The following EXOC4 variants were observed in gnomAD, a reference collection of about 807,000 sequenced individuals.
The protein encoded by EXOC4 is exocyst complex component 4.
EXOC4 carries 71 observed loss-of-function variants against 107.2 expected under a neutral mutation model. The ratio of observed to expected loss-of-function variants is 0.66; its 90% confidence interval spans 0.55 to 0.81. The LOEUF is 0.81. EXOC4 is among the 30% of genes least tolerant of loss of function. The pLI, the probability that EXOC4 is intolerant of heterozygous loss-of-function variation, is 0.00. For missense variants in EXOC4, 1,108 were observed against 1,189.6 expected (o/e 0.93, Z 1.01); for synonymous variants, 456 against 441.2 (o/e 1.03, Z -0.42).
Position 133,681,260 on chromosome 7 carries a change from T to TA in EXOC4, c.1514+51120dup, listed in dbSNP as rs141628454. 6.6e-3 allele frequency among the ~76,000 whole-genome samples: 1,000 copies of TA among 152,354 alleles called. 41 individuals are homozygous for TA. The East Asian group carries it at 0.1, about 15-fold the overall frequency. On this transcript the variant is annotated intron_variant, in intron 10 of 17. Transcript: ENST00000253861. ...TTACAAAGAATCAATGGCTGTAACT[T>TA]AGAGAAATTAGGTAGTAGAGAGCAT...
intron 14 of EXOC4, among the ~76,000 whole-genome samples, chr7:133,993,249 C>A (rs542915098): frequency 2.5e-4 from 38 of 152,098 alleles, no homozygotes; most frequent in African/African-American, 9.2e-4. Flanking sequence ...TTGGTATCAG[C>A]GAACAATATG....
intron 3 of EXOC4, among the ~76,000 whole-genome samples, chr7:133,294,220 G>C (rs137861000): frequency 8.4e-4 from 128 of 152,288 alleles, no homozygotes; most frequent in South Asian, 6.8e-3. Context: ...CTTCCCAGTG[G>C]CATGAGCCAA....
chr7:133,969,642 TG>T (rs1801155106), intron 14 of EXOC4, among the ~76,000 whole-genome samples: 1 of 152,224 alleles, frequency 6.6e-6, no homozygotes, highest in African/African-American at 2.4e-5. Context: ...CTCCAGACCC[TG>T]TTTGCCTGGG....
chr7:133,336,320 T>G (rs1169192814), intron 5 of EXOC4, among the ~76,000 whole-genome samples: 2 of 152,162 alleles, frequency 1.3e-5, no homozygotes, highest in Non-Finnish European at 1.5e-5. Flanking sequence ...GTTTTAGGCC[T>G]TATGTTTAGG....
intron 10 of EXOC4, among the ~76,000 whole-genome samples, chr7:133,725,728 C>T (rs1795201230): frequency 6.6e-6 from 1 of 152,124 alleles, no homozygotes; most frequent in Non-Finnish European, 1.5e-5. Flanking sequence ...ATACTATTGA[C>T]AGTATGTAAA....
chr7:134,010,026 T>G (rs1794728600), intron 17 of EXOC4: 1 of 150,462 alleles, frequency 6.6e-6, no homozygotes, highest in Non-Finnish European at 1.5e-5. Flanking sequence ...TGTGACCACT[T>G]GGGACATGTA....
At chr7:133,278,150 C>T (rs1382199487) in intron 2 of EXOC4, among the ~76,000 whole-genome samples, 4 of 152,164 alleles carry the variant, frequency 2.6e-5, no homozygotes, top group Admixed American at 2.0e-4. Context: ...TTCCTGTCCT[C>T]AGGGAGCTTA....
chr7:133,988,893 T>A (rs1022668919), intron 14 of EXOC4, among the ~76,000 whole-genome samples: 2 of 152,184 alleles, frequency 1.3e-5, no homozygotes, highest in Admixed American at 1.3e-4. Context: ...GAGCTTAGAC[T>A]TGATCATATA....
intron 10 of EXOC4, among the ~76,000 whole-genome samples, chr7:133,726,241 A>G (rs541435771): frequency 6.6e-6 from 1 of 152,374 alleles, no homozygotes; most frequent in African/African-American, 2.4e-5. Context: ...GTGGTAAAAC[A>G]CATACGGAAA....
chr7:133,295,802 A>G (rs1161269772), intron 3 of EXOC4, among the ~76,000 whole-genome samples: 1 of 152,186 alleles, frequency 6.6e-6, no homozygotes, highest in Non-Finnish European at 1.5e-5. Context: ...CAAAACATAC[A>G]TACATCCCTT....
chr7:133,309,458 ATTC>A (rs1477950551), intron 4 of EXOC4, among the ~76,000 whole-genome samples: 1 of 152,188 alleles, frequency 6.6e-6, no homozygotes, highest in East Asian at 1.9e-4. Flanking sequence ...AAAAATTAGT[ATTC>A]TTTTTCCGAG....
intron 10 of EXOC4, among the ~76,000 whole-genome samples, chr7:133,776,961 G>C (rs1010468310): frequency 6.6e-6 from 1 of 152,082 alleles, no homozygotes; most frequent in African/African-American, 2.4e-5. Context: ...GGTCCATTTA[G>C]CCTTCTGAAA....
intron 1 of EXOC4, among the ~76,000 whole-genome samples, chr7:133,260,791 T>TTGTG (rs140959477): frequency 4.6e-5 from 7 of 151,148 alleles, no homozygotes; most frequent in African/African-American, 9.7e-5. Context: ...ATCTCAGCAA[T>TTGTG]TGTGTGTGTG....
chr7:133,934,472 G>T (rs746540290), intron 13 of EXOC4, among the ~76,000 whole-genome samples: 4 of 152,188 alleles, frequency 2.6e-5, no homozygotes, highest in Non-Finnish European at 5.9e-5. Context: ...CCTGTCTGAG[G>T]AGGTTAAGCA....
At position 133,419,110 on chromosome 7, in the gene EXOC4, G is replaced by T. The variant is rs186586941; in HGVS notation, c.1182+44108G>T. Among the ~76,000 whole-genome samples the T allele has an allele frequency of 9.1e-4, 139 of 152,282 alleles. 2 individuals are homozygous for T. The highest frequency in any genetic ancestry group is 7.3e-3 in the Admixed American group (112 of 15,294). Reference sequence around the variant, plus strand: ...TGAATAACTGTTATTTCAAGAGGCTGGGTGTGTAGGCAGAATTAAAGAAGG... The same window carrying T: ...TGAATAACTGTTATTTCAAGAGGCTTGGTGTGTAGGCAGAATTAAAGAAGG... On this transcript the variant is annotated intron_variant, in intron 7 of 17. Coordinates refer to ENST00000253861, the MANE Select transcript of EXOC4 (RefSeq NM_021807.4).
intron 2 of EXOC4, among the ~76,000 whole-genome samples, chr7:133,282,606 A>G (rs1012682258): frequency 1.3e-4 from 20 of 152,366 alleles, no homozygotes; most frequent in African/African-American, 4.3e-4. Flanking sequence ...ATTGATGGGT[A>G]TAGCCCTGTT....
intron 9 of EXOC4, among the ~76,000 whole-genome samples, chr7:133,606,697 G>A (rs1318630228): frequency 6.6e-6 from 1 of 151,704 alleles, no homozygotes; most frequent in Admixed American, 6.6e-5. Context: ...TGTATTTTTA[G>A]TAGGGGCTGG....
intron 9 of EXOC4, among the ~76,000 whole-genome samples, chr7:133,608,159 T>C (rs1315885766): frequency 6.6e-6 from 1 of 152,210 alleles, no homozygotes; most frequent in African/African-American, 2.4e-5. Context: ...ATAGAACAAT[T>C]TAATCTGAGT....
chr7:133,262,541 CAG>C (rs1167602731), intron 1 of EXOC4, among the ~76,000 whole-genome samples: 1 of 152,020 alleles, frequency 6.6e-6, no homozygotes, highest in African/African-American at 2.4e-5. Context: ...TTTAAAAGTA[CAG>C]AGTCTTTGTC....
Sources: allele counts gnomAD v4.1 joint callset (sites outside exome capture counted in the v4.1 genomes callset), GRCh38; gene constraint gnomAD v4.1.1; transcripts MANE v1.5; gene names NCBI Gene and HGNC (gene_info 2026-07-23, HGNC 2026-07-21).